The following CNIH3 variants were observed in gnomAD, a reference collection of about 807,000 sequenced individuals.
The protein encoded by CNIH3 is cornichon family AMPA receptor auxiliary protein 3.
CNIH3 carries 14 observed loss-of-function variants against 24.1 expected under a neutral mutation model. The ratio of observed to expected loss-of-function variants is 0.58; its 90% CI spans 0.38 to 0.91. CNIH3 has a LOEUF of 0.91. CNIH3 is among the 40% of genes least tolerant of loss of function. The probability of loss-of-function intolerance (pLI) is 0.00; values close to 1 mark genes in which losing one functional copy is unlikely to be tolerated. For synonymous variants in CNIH3, 68 were observed against 73.8 expected (o/e 0.92, Z 0.40); for missense variants, 178 against 196.8 (o/e 0.90, Z 0.57).
At chr1:224,492,842 G>T (rs1297593288) in intron 1 of CNIH3, among the ~76,000 whole-genome samples, 2 of 152,158 alleles carry the variant, frequency 1.3e-5, no homozygotes, top group Middle Eastern at 3.4e-3. Flanking sequence ...ATATTTTTTT[G>T]ACGTTTCTTC....
chr1:224,573,302 A>G (rs1188413606), intron 4 of CNIH3, among the ~76,000 whole-genome samples: 2 of 152,082 alleles, frequency 1.3e-5, no homozygotes, highest in Non-Finnish European at 2.9e-5. Flanking sequence ...CTTAGTTACT[A>G]CTTCCTCAGG....
At chr1:224,480,276 CACGGG>C (rs1676756726) in intron 1 of CNIH3, among the ~76,000 whole-genome samples, 1 of 152,212 alleles carries the variant, frequency 6.6e-6, no homozygotes, top group South Asian at 2.1e-4. Context: ...CCGCACACAG[CACGGG>C]ACTCTGGGCC....
chr1:224,527,874 ATATATC>A (rs1156454971), intron 2 of CNIH3, among the ~76,000 whole-genome samples: 1 of 152,248 alleles, frequency 6.6e-6, no homozygotes, highest in Non-Finnish European at 1.5e-5. Context: ...ATGCATATAC[ATATATC>A]TATATCTATA....
At chr1:224,590,542 G>A (rs1278649688), downstream of CNIH3, among the ~76,000 whole-genome samples, 1 of 152,210 alleles carries the variant, frequency 6.6e-6, no homozygotes, top group Non-Finnish European at 1.5e-5. Context: ...CCAGCATCTG[G>A]TGAGGGCCTT....
chr1:224,569,889 T>C (rs1680746995), intron 4 of CNIH3, among the ~76,000 whole-genome samples: 1 of 152,150 alleles, frequency 6.6e-6, no homozygotes, highest in Admixed American at 6.5e-5. Context: ...GTTCAAGCGA[T>C]TCTCTTGCCT....
chr1:224,496,690 T>C (rs372730946), intron 1 of CNIH3, among the ~76,000 whole-genome samples: 112 of 152,304 alleles, frequency 7.4e-4, no homozygotes, highest in African/African-American at 2.5e-3. Context: ...CTCCATGCAG[T>C]TGTGGAAACA....
intron 3 of CNIH3, among the ~76,000 whole-genome samples, chr1:224,551,793 T>G (rs898040144): frequency 6.6e-6 from 1 of 150,582 alleles, no homozygotes; most frequent in South Asian, 2.1e-4. Context: ...TTAGGAGTCA[T>G]ACATCTCCCA....
chr1:224,739,228 C>G (rs1053981102), intron 5 of CNIH3, 101 bp from the exon 6 acceptor site: 11 of 1,530,082 alleles, frequency 7.2e-6, no homozygotes, highest in Middle Eastern at 4.5e-4. Flanking sequence ...GGGGTCTGGC[C>G]TCTGGAAGGT....
chr1:224,574,991 G>T, intron 4 of CNIH3: 1 of 879,218 alleles, frequency 1.1e-6, no homozygotes, highest in Non-Finnish European at 2.0e-6. Flanking sequence ...TGGTTAATCA[G>T]ATTGAGTGCC....
intron 1 of CNIH3, chr1:224,435,196 G>T (rs958973323): frequency 1.0e-6 from 1 of 986,374 alleles, no homozygotes; most frequent in Middle Eastern, 5.2e-4. Context: ...AGGTGAGGAT[G>T]GGGCAGGGGG....
rs537551318 is a variant in CNIH3, at chr1:224,727,553, G to A, written c.199-2909G>A. ...GCCCATCAGCAGCCCCAACCCCTGAGAGCTGGAAAATGAGACCTTACCACC... is the reference window on the plus strand; with the variant it reads ...GCCCATCAGCAGCCCCAACCCCTGAAAGCTGGAAAATGAGACCTTACCACC... On this transcript the variant is annotated intron_variant, in intron 3 of 5. Coordinates refer to ENST00000272133, the MANE Select transcript of CNIH3 (RefSeq NM_152495.2). Among the ~76,000 whole-genome samples the A allele has an allele frequency of 2.6e-5, 4 of 152,332 alleles. No individual in the cohort carries two copies. The East Asian group carries it at 7.7e-4, about 29-fold the overall frequency.
intron 1 of CNIH3, among the ~76,000 whole-genome samples, chr1:224,668,026 A>C (rs1191568653): frequency 2.6e-5 from 4 of 152,238 alleles, no homozygotes; most frequent in Non-Finnish European, 4.4e-5. Flanking sequence ...TACAGAATAC[A>C]CATTTTGTAA....
At chr1:224,618,881 A>G (rs891523641) in intron 1 of CNIH3, among the ~76,000 whole-genome samples, 1 of 152,228 alleles carries the variant, frequency 6.6e-6, no homozygotes, top group East Asian at 1.9e-4. Context: ...GAAGTTGTTG[A>G]CAGTTCTTAA....
intron 1 of CNIH3, among the ~76,000 whole-genome samples, chr1:224,462,008 T>G (rs1675933354): frequency 6.6e-6 from 1 of 152,204 alleles, no homozygotes; most frequent in South Asian, 2.1e-4. Context: ...AAAAGACTTT[T>G]ACTTTTTAGA....
chr1:224,703,916 G>T lies in CNIH3; in HGVS notation c.198+19073G>T, dbSNP rs907095859. Among the ~76,000 whole-genome samples the T allele has an allele frequency of 2.0e-5, 3 of 152,164 alleles. No homozygotes were observed. The highest frequency in any genetic ancestry group is 4.4e-5 in the Non-Finnish European group (3 of 68,034). ...CACCTGAGTCGCTGCTGCTCTGCAG[G>T]CCTCCCACCTCAGCCTACGACGTAT... On this transcript the variant is annotated intron_variant, in intron 3 of 5. Transcript: ENST00000272133. This position sits in a 1 kb window ranked among gnomAD's most constrained non-coding sequence, Gnocchi z 4.2.
At chr1:224,589,970 G>C (rs1027719902), downstream of CNIH3, among the ~76,000 whole-genome samples, 2 of 152,114 alleles carry the variant, frequency 1.3e-5, no homozygotes, top group African/African-American at 4.8e-5. Flanking sequence ...TCTGCCTCTG[G>C]GGTTCAAGTA....
Position 224,501,820 on chromosome 1 carries a change from A to G in CNIH3, n.204-13921A>G, listed in dbSNP as rs982046918. Among the ~76,000 whole-genome samples, 6 of 152,152 alleles carry G rather than the reference A, an allele frequency of 3.9e-5. No homozygotes were observed. The South Asian group carries it at 1.2e-3, about 32-fold the overall frequency. On this transcript the variant is annotated intron_variant and non_coding_transcript_variant, in intron 1 of 5. Transcript: ENST00000471578. ...GGTCTCAAACTCCTGAGCTCAGGCA[A>G]TCCACCTGCCTCGGCCTCCCAAAGT... is the stretch of plus-strand genomic sequence containing the variant.
At chr1:224,694,518 G>A (rs539104353) in intron 3 of CNIH3, among the ~76,000 whole-genome samples, 6 of 152,250 alleles carry the variant, frequency 3.9e-5, no homozygotes, top group East Asian at 3.9e-4. Flanking sequence ...GCTAGGTCAC[G>A]GTGCCTAGAT....
At chr1:224,610,953 G>A (rs1055424780) in intron 3 of CNIH3, among the ~76,000 whole-genome samples, 4 of 152,152 alleles carry the variant, frequency 2.6e-5, no homozygotes, top group African/African-American at 7.2e-5. Flanking sequence ...TTAGGCTGCT[G>A]GTAATAGAAA....
Sources: gnomAD v4.1 joint callset for allele counts (sites outside exome capture counted in the v4.1 genomes callset) on GRCh38, gnomAD v4.1.1 for gene constraint, Gnocchi (gnomAD v3.1) non-coding constraint, MANE v1.5 for transcripts, NCBI Gene and HGNC (gene_info 2026-07-23, HGNC 2026-07-21) for gene names.